SIPA1L1: variants seen among roughly 807,000 people sequenced by gnomAD.
SIPA1L1 encodes the protein signal-induced proliferation-associated 1-like protein 1.
Under a neutral mutation model 162.7 loss-of-function variants are expected in SIPA1L1, and 26 were observed. The ratio of observed to expected loss-of-function variants is 0.16; its 90% CI spans 0.12 to 0.22. SIPA1L1 has a LOEUF of 0.22. Among genes scored for constraint, SIPA1L1 ranks in the 10% least tolerant of loss-of-function variants. The pLI, the probability that SIPA1L1 is intolerant of heterozygous loss-of-function variation, is 1.00. For missense variants in SIPA1L1, 1,874 were observed against 2,241.0 expected, an observed-to-expected ratio of 0.84 and a Z score of 3.31; for synonymous variants, 829 against 837.4, an observed-to-expected ratio of 0.99 and a Z score of 0.17.
At position 71,739,341 on chromosome 14, in the gene SIPA1L1, G is replaced by A; in HGVS notation, c.*180G>A. On this transcript the variant is annotated 3_prime_UTR_variant, in exon 24 of 24. Coordinates refer to ENST00000381232, the MANE Select transcript of SIPA1L1 (RefSeq NM_001386936.1). Reference sequence around the variant, plus strand: ...CAACAATCATCACCTGCCTTTTGTAGAAAAGAAAAACAAAAAAAGTAAATA... The same window carrying A: ...CAACAATCATCACCTGCCTTTTGTAAAAAAGAAAAACAAAAAAAGTAAATA... 4.7e-6 allele frequency: 2 copies of A among 427,568 alleles called. No individual in the cohort carries two copies. The highest frequency in any genetic ancestry group is 1.2e-4 in the South Asian group (1 of 8,422). 26.5% of individuals were successfully genotyped at this position (427,568 alleles called of 1,614,324 possible).
chr14:71,329,425 T>A (rs1468278329), intron 2 of SIPA1L1, among the ~76,000 whole-genome samples: 1 of 152,006 alleles, frequency 6.6e-6, no homozygotes, highest in African/African-American at 2.4e-5. Context: ...TTTCTGTTTT[T>A]TTTTTTTTCA....
At chr14:71,705,379 A>G (rs1597114793) in intron 16 of SIPA1L1, 39 bp downstream of exon 16, 2 of 1,384,572 alleles carry the variant, frequency 1.4e-6, no homozygotes, top group African/African-American at 1.4e-5. Flanking sequence ...TTAGATTCCT[A>G]GCAGTGTACC....
At chr14:71,352,318 T>C (rs2036802459) in intron 2 of SIPA1L1, among the ~76,000 whole-genome samples, 1 of 151,974 alleles carries the variant, frequency 6.6e-6, no homozygotes, top group Admixed American at 6.6e-5. Flanking sequence ...CTGGGAGGGT[T>C]GAATTTCTGC....
chr14:71,590,701 G>A (rs893064413), intron 5 of SIPA1L1, among the ~76,000 whole-genome samples: 1 of 152,058 alleles, frequency 6.6e-6, no homozygotes, highest in Admixed American at 6.6e-5. Context: ...TATCTTCTCA[G>A]AATAATTTTC....
chr14:71,320,780 C>T (rs1395679954), intron 1 of SIPA1L1, among the ~76,000 whole-genome samples: 5 of 151,874 alleles, frequency 3.3e-5, no homozygotes, highest in Admixed American at 2.6e-4. Flanking sequence ...TACTGGCCGC[C>T]CCCTCAGTTC....
intron 8 of SIPA1L1, among the ~76,000 whole-genome samples, chr14:71,656,346 T>TC (rs2043054411): frequency 1.3e-5 from 2 of 152,078 alleles, no homozygotes; most frequent in East Asian, 1.9e-4. Flanking sequence ...ATTTTTTTTT[T>TC]CTGTTTCATT....
rs924636953 is a variant in SIPA1L1, at chr14:71,440,857, G to A, written c.-464-71886G>A. 5.3e-5 allele frequency among the ~76,000 whole-genome samples: 8 copies of A among 152,010 alleles called. No homozygotes were observed. In the South Asian group the frequency reaches 8.3e-4, roughly 16 times the overall value. On this transcript the variant is annotated intron_variant, in intron 2 of 23. Coordinates refer to ENST00000381232, the MANE Select transcript of SIPA1L1 (RefSeq NM_001386936.1). ...ATCAAAGAATTTTTACCCTTTTAAT[G>A]TAGGTATTGAGAAACCATTGATGGT...
chr14:71,542,274 C>T (rs1029015471), intron 4 of SIPA1L1, among the ~76,000 whole-genome samples: 2 of 138,522 alleles, frequency 1.4e-5, no homozygotes, highest in Admixed American at 1.4e-4. Context: ...CTTCTTCTTC[C>T]TCTTCCTCTC....
At chr14:71,670,703 G>A (rs2044429119) in intron 10 of SIPA1L1, among the ~76,000 whole-genome samples, 1 of 152,166 alleles carries the variant, frequency 6.6e-6, no homozygotes, top group Non-Finnish European at 1.5e-5. Flanking sequence ...GAACACATTT[G>A]TGTTCTCACA....
At chr14:71,685,267 G>C in intron 12 of SIPA1L1, 95 bp from the exon 13 acceptor site, 1 of 1,336,852 alleles carries the variant, frequency 7.5e-7, no homozygotes, top group Non-Finnish European at 1.0e-6. Flanking sequence ...TGAAATTGTG[G>C]ATCCATTTTT....
In SIPA1L1 at chr14:71,529,390, TCCTA is replaced by T; in HGVS notation, c.-303+21_-303+24del. 1 of 626,594 alleles carries T rather than the reference TCCTA, an allele frequency of 1.6e-6. No individual in the cohort carries two copies. The highest frequency in any genetic ancestry group is 2.9e-6 in the Non-Finnish European group (1 of 345,056). The allele number at this position is 626,594 out of a possible 1,614,324, so 38.8% of individuals were successfully genotyped here. Reference sequence around the variant, plus strand: ...AATATAGTAAGTACTATGCCATACTTCCTATGACCTACCTGCTTTACAAAGTGTT... The same window carrying T: ...AATATAGTAAGTACTATGCCATACTTTGACCTACCTGCTTTACAAAGTGTT... On this transcript the variant is annotated intron_variant, in intron 4 of 23. Transcript: ENST00000381232.
chr14:71,452,464 A>G lies in SIPA1L1; in HGVS notation c.-464-60279A>G, dbSNP rs575506194. On this transcript the variant is annotated intron_variant, in intron 2 of 23. Transcript: ENST00000381232. ...TTTTGCAGATTTTGACCATTTTACTATTAATACTGTTATAGTATTTTTATA... is the reference window on the plus strand; with the variant it reads ...TTTTGCAGATTTTGACCATTTTACTGTTAATACTGTTATAGTATTTTTATA... 1.6e-3 allele frequency among the ~76,000 whole-genome samples: 241 copies of G among 152,234 alleles called. 2 individuals are homozygous for G. The highest frequency in any genetic ancestry group is 2.2e-3 in the Admixed American group (33 of 15,286).
At chr14:71,513,524 G>A (rs2051381374) in intron 3 of SIPA1L1, among the ~76,000 whole-genome samples, 1 of 152,118 alleles carries the variant, frequency 6.6e-6, no homozygotes, top group Non-Finnish European at 1.5e-5. Context: ...GTCTCGCTCT[G>A]TTGCTTAGGT....
At chr14:71,603,967 A>ATC (rs1332529233) in intron 5 of SIPA1L1, among the ~76,000 whole-genome samples, 7 of 142,676 alleles carry the variant, frequency 4.9e-5, no homozygotes, top group South Asian at 4.2e-4. Context: ...ATATTTATAT[A>ATC]TAGATATATT....
intron 4 of SIPA1L1, among the ~76,000 whole-genome samples, chr14:71,561,486 G>T (rs1273866890): frequency 6.6e-6 from 1 of 152,126 alleles, no homozygotes; most frequent in Non-Finnish European, 1.5e-5. Context: ...AAGTTTTTCT[G>T]TCAATTTCCC....
At chr14:71,330,015 G>A (rs934734460) in intron 2 of SIPA1L1, among the ~76,000 whole-genome samples, 1 of 152,108 alleles carries the variant, frequency 6.6e-6, no homozygotes, top group Non-Finnish European at 1.5e-5. Context: ...GATTCTTTTG[G>A]CGACTGATTT....
intron 2 of SIPA1L1, among the ~76,000 whole-genome samples, chr14:71,439,019 A>G (rs1205977317): frequency 6.6e-6 from 1 of 151,812 alleles, no homozygotes; most frequent in East Asian, 1.9e-4. Context: ...GATTTGATTT[A>G]ACTAATGTGG....
chr14:71,473,072 G>T (rs1295886496), intron 2 of SIPA1L1, among the ~76,000 whole-genome samples: 2 of 151,904 alleles, frequency 1.3e-5, no homozygotes, highest in Non-Finnish European at 2.9e-5. Flanking sequence ...TTATAATAAT[G>T]GATAACATGA....
intron 2 of SIPA1L1, among the ~76,000 whole-genome samples, chr14:71,423,687 A>G (rs548902791): frequency 6.6e-5 from 10 of 152,294 alleles, no homozygotes; most frequent in African/African-American, 2.2e-4. Context: ...TCTTTATGCC[A>G]GTACCATATT....
Sources: gnomAD v4.1 joint callset for allele counts (sites outside exome capture counted in the v4.1 genomes callset) on GRCh38, gnomAD v4.1.1 for gene constraint, MANE v1.5 for transcripts, NCBI Gene and HGNC (gene_info 2026-07-23, HGNC 2026-07-21) for gene names.